BBX: variants seen among roughly 807,000 people sequenced by gnomAD.
BBX encodes the protein HMG box transcription factor BBX.
A neutral mutation model predicts 100.2 loss-of-function variants in BBX; 30 were observed. The ratio of observed to expected loss-of-function variants is 0.30; its 90% CI spans 0.22 to 0.41. The LOEUF (loss-of-function observed/expected upper bound fraction) is 0.41, where lower values mean the gene tolerates loss of function less well. Ranked by LOEUF, BBX falls within the 10% of genes least tolerant of loss-of-function variation. The pLI, the probability that BBX is intolerant of heterozygous loss-of-function variation, is 1.00. For synonymous variants in BBX, 376 were observed against 388.1 expected (o/e 0.97, Z 0.37); for missense variants, 1,023 against 1,129.8 (o/e 0.91, Z 1.35).
chr3:107,585,442 G>A (rs2052759908), intron 2 of BBX, among the ~76,000 whole-genome samples: 1 of 152,120 alleles, frequency 6.6e-6, no homozygotes, highest in South Asian at 2.1e-4. Context: ...AAATAACTTT[G>A]GAAGCTAATG....
chr3:107,565,453 T>TTATG (rs1342241230), intron 2 of BBX, among the ~76,000 whole-genome samples: 1 of 146,482 alleles, frequency 6.8e-6, no homozygotes, highest in Admixed American at 6.8e-5. Context: ...TTTTATTTAT[T>TTATG]TATTTATTTA....
chr3:107,708,923 A>G (rs2061552047), intron 3 of BBX, among the ~76,000 whole-genome samples: 1 of 152,132 alleles, frequency 6.6e-6, no homozygotes, highest in Non-Finnish European at 1.5e-5. Flanking sequence ...TTATTGATAT[A>G]TTTGTATATT....
chr3:107,648,701 T>C (rs893248948), intron 3 of BBX, among the ~76,000 whole-genome samples: 11 of 152,208 alleles, frequency 7.2e-5, no homozygotes, highest in Admixed American at 6.6e-5. Context: ...TCACATTTAC[T>C]ATACAGTGAC....
intron 2 of BBX, among the ~76,000 whole-genome samples, chr3:107,575,091 A>T (rs1167020875): frequency 6.6e-6 from 1 of 152,244 alleles, no homozygotes; most frequent in African/African-American, 2.4e-5. Context: ...AACCAAAGCC[A>T]TTACCTGGAT....
chr3:107,586,152 C>T (rs959213283), intron 2 of BBX, among the ~76,000 whole-genome samples: 2 of 151,794 alleles, frequency 1.3e-5, no homozygotes, highest in African/African-American at 4.8e-5. Context: ...GATAATTCAC[C>T]CACATCATTC....
At position 107,606,757 on chromosome 3, in the gene BBX, G is replaced by A. The variant is rs182144906; in HGVS notation, c.-83-39079G>A. 3.1e-3 allele frequency among the ~76,000 whole-genome samples: 467 copies of A among 152,134 alleles called. 1 individual carries two copies. Among genetic ancestry groups the A allele is most frequent in the South Asian group, 0.013 (61 of 4,816 alleles). On this transcript the variant is annotated intron_variant, in intron 2 of 17. Transcript: ENST00000325805. Reference sequence around the variant, plus strand: ...TAATAATCACATCAGGGTAAATGGGGTATCCATCACCTCAAGTCTTTATCC... The same window carrying A: ...TAATAATCACATCAGGGTAAATGGGATATCCATCACCTCAAGTCTTTATCC...
intron 2 of BBX, among the ~76,000 whole-genome samples, chr3:107,638,971 A>G (rs1246101118): frequency 1.3e-5 from 2 of 152,092 alleles, no homozygotes; most frequent in Non-Finnish European, 2.9e-5. Context: ...CCTGGGCAAC[A>G]GAGTGAGACC....
intron 12 of BBX, among the ~76,000 whole-genome samples, chr3:107,777,388 A>G (rs980326557): frequency 6.6e-6 from 1 of 152,116 alleles, no homozygotes; most frequent in Admixed American, 6.6e-5. Flanking sequence ...GTAGTTAAAA[A>G]CATTTTTAGG....
At chr3:107,566,796 A>C (rs906951739) in intron 2 of BBX, among the ~76,000 whole-genome samples, 7 of 151,896 alleles carry the variant, frequency 4.6e-5, no homozygotes, top group Non-Finnish European at 7.4e-5. Context: ...TATTTATTAC[A>C]TTCTTTTATC....
In BBX at chr3:107,605,490, A is replaced by G. The variant is rs141587741; in HGVS notation, c.-83-40346A>G. ...TGCCCAAAGCAATAAAAAGAGGAGT[A>G]AAATAACTAAAGTCAACATTCCTAA... On this transcript the variant is annotated intron_variant, in intron 2 of 17. Coordinates refer to ENST00000325805, the MANE Select transcript of BBX (RefSeq NM_001142568.3). 2.1e-3 allele frequency among the ~76,000 whole-genome samples: 316 copies of G among 152,270 alleles called. 1 individual carries two copies. Among genetic ancestry groups the G allele is most frequent in the Middle Eastern group, 6.8e-3 (2 of 294 alleles).
chr3:107,577,262 T>C (rs916168892), intron 2 of BBX, among the ~76,000 whole-genome samples: 2 of 152,228 alleles, frequency 1.3e-5, no homozygotes, highest in East Asian at 3.8e-4. Context: ...ATGCCTGCTC[T>C]TCTCTAAAGA....
chr3:107,590,152 T>A (rs982425941), intron 2 of BBX, among the ~76,000 whole-genome samples: 2 of 152,124 alleles, frequency 1.3e-5, no homozygotes, highest in Non-Finnish European at 2.9e-5. Context: ...GTCAGTAGGG[T>A]TGTACCAGCT....
At chr3:107,724,839 C>T (rs528701314) in intron 5 of BBX, among the ~76,000 whole-genome samples, 66 of 152,126 alleles carry the variant, frequency 4.3e-4, no homozygotes, top group South Asian at 1.2e-3. Flanking sequence ...AGTCAGGTAG[C>T]GTGATGCCTC....
At chr3:107,537,243 G>C (rs1189338914) in intron 2 of BBX, among the ~76,000 whole-genome samples, 1 of 152,108 alleles carries the variant, frequency 6.6e-6, no homozygotes, top group Non-Finnish European at 1.5e-5. Flanking sequence ...CATATGTAAA[G>C]ACAACATGAC....
intron 5 of BBX, among the ~76,000 whole-genome samples, chr3:107,722,127 A>T (rs147935539): frequency 1.3e-5 from 2 of 152,142 alleles, no homozygotes; most frequent in African/African-American, 4.8e-5. Context: ...AGCAACATAG[A>T]TGTTAATTAA....
chr3:107,549,187 T>C (rs1042705072), intron 2 of BBX, among the ~76,000 whole-genome samples: 2 of 152,206 alleles, frequency 1.3e-5, no homozygotes, highest in Admixed American at 1.3e-4. Flanking sequence ...TAATTGTATT[T>C]ATTCAACAAA....
chr3:107,696,458 G>T (rs1287426694), intron 3 of BBX, among the ~76,000 whole-genome samples: 1 of 150,612 alleles, frequency 6.6e-6, no homozygotes, highest in Non-Finnish European at 1.5e-5. Flanking sequence ...CACTTATGAA[G>T]CTTAGTTTGG....
Position 107,737,884 on chromosome 3 carries a change from GTT to G in BBX, c.669+4890_669+4891del, listed in dbSNP as rs1156396951. Among the ~76,000 whole-genome samples, 217 of 48,898 alleles carry G rather than the reference GTT, an allele frequency of 4.4e-3. 3 individuals carry two copies. The highest frequency in any genetic ancestry group is 0.032 in the Middle Eastern group (2 of 62). 32.1% of individuals were successfully genotyped at this position (48,898 alleles called of 152,430 possible). A position where few individuals can be genotyped will look rare whatever the true frequency, so the allele number is the denominator to read the frequency against. ...GGACCAGAAGTACTTCAGAGTTCCA[GTT>G]TTTTTTTTTTTTTTTTTTTTTTTTT... On this transcript the variant is annotated intron_variant, in intron 7 of 17. Coordinates refer to ENST00000325805, the MANE Select transcript of BBX (RefSeq NM_001142568.3).
At chr3:107,714,636 TA>T (rs1240330483) in intron 4 of BBX, among the ~76,000 whole-genome samples, 1 of 152,194 alleles carries the variant, frequency 6.6e-6, no homozygotes, top group Non-Finnish European at 1.5e-5. Flanking sequence ...ATTATATACA[TA>T]ATGAGGAAGA....
Sources: allele counts gnomAD v4.1 joint callset (sites outside exome capture counted in the v4.1 genomes callset), GRCh38; gene constraint gnomAD v4.1.1; transcripts MANE v1.5; gene names NCBI Gene and HGNC (gene_info 2026-07-23, HGNC 2026-07-21).